The following TGM6 variants were observed in gnomAD, a reference collection of about 807,000 sequenced individuals.
TGM6 encodes the protein protein-glutamine gamma-glutamyltransferase 6.
Under a neutral mutation model 77.5 loss-of-function variants are expected in TGM6, and 74 were observed. The observed-to-expected ratio is 0.96, with a 90% CI of 0.79 to 1.16. TGM6 has a LOEUF of 1.16. Among genes scored for constraint, TGM6 ranks in the 50% most tolerant of loss-of-function variants. The pLI, the probability that TGM6 is intolerant of heterozygous loss-of-function variation, is 0.00. For missense variants in TGM6, 968 were observed against 940.2 expected, an observed-to-expected ratio of 1.03 and a Z score of -0.39; for synonymous variants, 383 against 378.9, an observed-to-expected ratio of 1.01 and a Z score of -0.12.
intron 11 of TGM6, 30 bp from the exon 12 acceptor site, chr20:2,430,864 G>T: frequency 1.2e-6 from 2 of 1,614,120 alleles, no homozygotes; most frequent in Non-Finnish European, 1.7e-6. Flanking sequence ...AGGGGTAGGC[G>T]CGATGGCTCA....
intron 4 of TGM6, among the ~76,000 whole-genome samples, chr20:2,397,354 A>G (rs2084676218): frequency 6.6e-6 from 1 of 152,182 alleles, no homozygotes; most frequent in Admixed American, 6.5e-5. Context: ...CTTGACTGTC[A>G]GGCTGAGGAG....
chr20:2,384,988 A>G (rs577667165), intron 1 of TGM6, among the ~76,000 whole-genome samples: 2 of 152,236 alleles, frequency 1.3e-5, no homozygotes, highest in African/African-American at 4.8e-5. Flanking sequence ...CCTTGGGTTC[A>G]CTGTCAACTG....
intron 7 of TGM6, among the ~76,000 whole-genome samples, 168 bp downstream of exon 7, chr20:2,400,612 C>CT: frequency 6.6e-6 from 1 of 152,050 alleles, no homozygotes; most frequent in East Asian, 1.9e-4. Flanking sequence ...AGTGGTGCCT[C>CT]TTCCAAGATG....
At chr20:2,383,852 C>A (rs1196006427) in intron 1 of TGM6, among the ~76,000 whole-genome samples, 1 of 152,028 alleles carries the variant, frequency 6.6e-6, no homozygotes, top group Non-Finnish European at 1.5e-5. Context: ...TCACTCCTGT[C>A]ATCATAGCAC....
At position 2,430,667 on chromosome 20, in the gene TGM6, G is replaced by A. The variant is rs543769339; in HGVS notation, c.1833+67G>A. On this transcript the variant is annotated intron_variant, in intron 11 of 12. Coordinates refer to ENST00000202625, the MANE Select transcript of TGM6 (RefSeq NM_198994.3). The stretch of plus-strand genomic sequence containing the variant: ...CCACTCCCCAGAGCTGGGGGAGGGC[G>A]TCAGAAGCTGGGGGGGTTTGTGCCT... 682 of 1,609,406 alleles carry A rather than the reference G, an allele frequency of 4.2e-4. 6 individuals are homozygous for A. The South Asian group carries it at 4.6e-3, about 11-fold the overall frequency.
In TGM6 at chr20:2,406,797, G is replaced by A. The variant is rs1419264575; in HGVS notation, c.1336+2974G>A. ...TTGCAGTGAGCCAGGATCGCACACT[G>A]CACTCCACCCTCAGCAACAAGTGCG... On this transcript the variant is annotated intron_variant, in intron 9 of 12. Coordinates refer to ENST00000202625, the MANE Select transcript of TGM6 (RefSeq NM_198994.3). Among the ~76,000 whole-genome samples the A allele has an allele frequency of 3.3e-5, 4 of 121,844 alleles. No homozygotes were observed. The East Asian group carries it at 1.0e-3, about 31-fold the overall frequency. The allele number at this position is 121,844 out of a possible 152,430, so 79.9% of individuals were successfully genotyped here.
Position 2,399,617 on chromosome 20 carries a change from C to A in TGM6, c.729C>A (p.Gly243=). 6.2e-7 allele frequency: 1 copy of A among 1,613,366 alleles called. No individual in the cohort carries two copies. Among genetic ancestry groups the A allele is most frequent in the Non-Finnish European group, 8.5e-7 (1 of 1,179,960 alleles). Residue 243 remains glycine (G), a synonymous_variant, in exon 6 of 13, where the codon GGC becomes GGA. Coordinates refer to ENST00000202625, the MANE Select transcript of TGM6 (RefSeq NM_198994.3). ...VVQGQWQGKY[G]GGTSPLHWRG... ...AAGGACAGTGGCAGGGCAAGTACGG[C>A]GGCGGCACCAGCCCGCTGCACTGGC... is the stretch of plus-strand genomic sequence containing the variant.
At chr20:2,420,821 T>C (rs2084850887) in intron 10 of TGM6, among the ~76,000 whole-genome samples, 1 of 151,928 alleles carries the variant, frequency 6.6e-6, no homozygotes, top group Non-Finnish European at 1.5e-5. Context: ...TGTGTCTTGA[T>C]GGGTCATTTC....
At chr20:2,425,549 T>C (rs762317129) in intron 10 of TGM6, among the ~76,000 whole-genome samples, 2 of 152,162 alleles carry the variant, frequency 1.3e-5, no homozygotes, top group South Asian at 4.1e-4. Context: ...TACCACACTG[T>C]CTTGATGACT....
At chr20:2,429,999 G>A (rs953997282) in intron 10 of TGM6, among the ~76,000 whole-genome samples, 1 of 152,160 alleles carries the variant, frequency 6.6e-6, no homozygotes, top group South Asian at 2.1e-4. Flanking sequence ...TAGGGAATTG[G>A]CCTCACAGGA....
In TGM6 at chr20:2,399,721, C is replaced by A. The variant is rs764261259; in HGVS notation, c.833C>A (p.Ala278Asp). 1 of 1,613,966 alleles carries A rather than the reference C, an allele frequency of 6.2e-7. No homozygotes were observed. The highest frequency in any genetic ancestry group is 8.5e-7 in the Non-Finnish European group (1 of 1,179,998). Residue 278 changes from alanine to aspartate, a missense_variant, in exon 6 of 13, where the codon GCC (alanine) becomes GAC (aspartate). By Grantham distance (126) the Ala-to-Asp change is moderately radical. Transcript: ENST00000202625. ...AAGTACGGCCAGTGCTGGGTCTTCG[C>A]CGGAGTCCTGTGCACAGGTACCCTG... ...PVKYGQCWVF[A>D]GVLCTVLRCL...
chr20:2,392,321 A>G (rs2084634169), intron 1 of TGM6, among the ~76,000 whole-genome samples: 1 of 152,172 alleles, frequency 6.6e-6, no homozygotes, highest in African/African-American at 2.4e-5. Context: ...CACTCATCCA[A>G]TTTAAGACTC....
In TGM6 at chr20:2,395,306, C is replaced by A; in HGVS notation, c.294C>A (p.Thr98=). 1 of 1,614,178 alleles carries A rather than the reference C, an allele frequency of 6.2e-7. No individual in the cohort carries two copies. Among genetic ancestry groups the A allele is most frequent in the Non-Finnish European group, 8.5e-7 (1 of 1,180,028 alleles). Residue 98 remains threonine (T), a synonymous_variant, in exon 3 of 13, where the codon ACC becomes ACA. Transcript: ENST00000202625. ...AGGCTCAGATGGAGAAAACTCTGACCGTCAGTCTCGCCAGCCCTCCCAGTG... is the reference window on the plus strand; with the variant it reads ...AGGCTCAGATGGAGAAAACTCTGACAGTCAGTCTCGCCAGCCCTCCCAGTG... ...AREAQMEKTL[T]VSLASPPSAV...
chr20:2,391,373 C>G (rs1017191451), intron 1 of TGM6, among the ~76,000 whole-genome samples: 1 of 152,104 alleles, frequency 6.6e-6, no homozygotes. Flanking sequence ...AAGACAATCA[C>G]AGGCACCCCA....
Position 2,394,495 on chromosome 20 carries a change from C to T in TGM6, c.51C>T (p.Gly17=), listed in dbSNP as rs147506152. ...TKVDWQRSRN[G]AAHHTQEYPC... Reference sequence around the variant, plus strand: ...TGGACTGGCAGCGGTCGAGGAATGGCGCTGCCCACCACACCCAGGAGTACC... The same window carrying T: ...TGGACTGGCAGCGGTCGAGGAATGGTGCTGCCCACCACACCCAGGAGTACC... Residue 17 remains glycine (G), a synonymous_variant, in exon 2 of 13, where the codon GGC becomes GGT. Transcript: ENST00000202625. 1.1e-4 allele frequency: 185 copies of T among 1,611,552 alleles called. No homozygotes were observed. Among genetic ancestry groups the T allele is most frequent in the Non-Finnish European group, 1.4e-4 (171 of 1,179,840 alleles).
In TGM6 at chr20:2,399,654, G is replaced by T; in HGVS notation, c.766G>T (p.Ala256Ser). The part of the protein sequence containing the change: ...TSPLHWRGSV[A>S]ILQKWLKGRY... ...CCCGCTGCACTGGCGCGGCAGCGTG[G>T]CCATTCTGCAGAAGTGGCTCAAGGG... Residue 256 changes from alanine to serine, a missense_variant, in exon 6 of 13, where the codon GCC (alanine) becomes TCC (serine). Ala to Ser is a moderately conservative substitution (Grantham distance 99). Coordinates refer to ENST00000202625, the MANE Select transcript of TGM6 (RefSeq NM_198994.3). 6.2e-7 allele frequency: 1 copy of T among 1,613,894 alleles called. No individual in the cohort carries two copies. The highest frequency in any genetic ancestry group is 8.5e-7 in the Non-Finnish European group (1 of 1,179,950).
intron 1 of TGM6, among the ~76,000 whole-genome samples, chr20:2,386,225 T>C (rs1005748076): frequency 2.0e-5 from 3 of 152,180 alleles, no homozygotes; most frequent in African/African-American, 4.8e-5. Context: ...TGCAGAATCC[T>C]GGACCCCAGC....
At chr20:2,413,151 C>T (rs2122398020) in intron 9 of TGM6, among the ~76,000 whole-genome samples, 1 of 152,328 alleles carries the variant, frequency 6.6e-6, no homozygotes, top group Middle Eastern at 3.4e-3. Flanking sequence ...TGGCTTATGT[C>T]TGTGATCCCA....
chr20:2,386,847 CA>C (rs2084599841), intron 1 of TGM6, among the ~76,000 whole-genome samples: 2 of 152,156 alleles, frequency 1.3e-5, no homozygotes, highest in African/African-American at 4.8e-5. Flanking sequence ...AGCTTGAACC[CA>C]TGACCCAGGG....
Sources: allele counts gnomAD v4.1 joint callset (sites outside exome capture counted in the v4.1 genomes callset), GRCh38; gene constraint gnomAD v4.1.1; transcripts MANE v1.5; gene names NCBI Gene and HGNC (gene_info 2026-07-23, HGNC 2026-07-21).